Variants in CEACAM21 observed in about 807,000 individuals in gnomAD.
The protein encoded by CEACAM21 is CEA cell adhesion molecule 21, also known as cell adhesion molecule CEACAM21.
In CEACAM21, 38 loss-of-function variants were observed where a neutral mutation model predicts 33.2. The observed-to-expected ratio is 1.14, with a 90% CI of 0.88 to 1.50. The LOEUF (loss-of-function observed/expected upper bound fraction) is 1.50, where lower values mean the gene tolerates loss of function less well. Among genes scored for constraint, CEACAM21 ranks in the 40% most tolerant of loss-of-function variants. The pLI, the probability that CEACAM21 is intolerant of heterozygous loss-of-function variation, is 0.00. For missense variants in CEACAM21, 385 were observed against 364.6 expected (o/e 1.06, Z -0.46); for synonymous variants, 156 against 143.0 (o/e 1.09, Z -0.65).
At chr19:41,568,712 AG>A (rs1555788784) in intron 2 of CEACAM21, among the ~76,000 whole-genome samples, 2 of 152,238 alleles carry the variant, frequency 1.3e-5, no homozygotes, top group Non-Finnish European at 2.9e-5. Flanking sequence ...TTTGATTGTC[AG>A]GAAGTGTAAT....
upstream of CEACAM21, among the ~76,000 whole-genome samples, chr19:41,575,979 G>C (rs538820079): frequency 6.6e-5 from 10 of 152,270 alleles, no homozygotes; most frequent in Admixed American, 3.9e-4. Flanking sequence ...GGGTCGTCCT[G>C]TTATGAGGAC....
At position 41,579,646 on chromosome 19, in the gene CEACAM21, C is replaced by T. The variant is rs1555792866; in HGVS notation, c.700+18C>T. ...TGTAAAATGTGAGTGACCCTCGGCC[C>T]CTCTCACTCCTTTCCTTGTATATTT... is the stretch of plus-strand genomic sequence containing the variant. On this transcript the variant is annotated intron_variant, in intron 3 of 6. Coordinates refer to ENST00000401445, the MANE Select transcript of CEACAM21 (RefSeq NM_001098506.4). The T allele has an allele frequency of 6.8e-7, 1 of 1,469,982 alleles. No homozygotes were observed. The highest frequency in any genetic ancestry group is 1.3e-5 in the South Asian group (1 of 78,754). 91.1% of individuals were successfully genotyped at this position (1,469,982 alleles called of 1,614,324 possible).
chr19:41,555,949 A>G (rs2041498846), intron 1 of CEACAM21, among the ~76,000 whole-genome samples: 1 of 152,228 alleles, frequency 6.6e-6, no homozygotes, highest in African/African-American at 2.4e-5. Flanking sequence ...TGTCTCTCAC[A>G]GTACAAAGTA....
intron 1 of CEACAM21, among the ~76,000 whole-genome samples, chr19:41,556,843 A>T (rs2041563096): frequency 6.6e-6 from 1 of 152,186 alleles, no homozygotes; most frequent in Non-Finnish European, 1.5e-5. Context: ...CTTTAATTTT[A>T]TCAGAAGGAT....
At chr19:41,571,304 T>C (rs1600218713), upstream of CEACAM21, among the ~76,000 whole-genome samples, 1 of 152,336 alleles carries the variant, frequency 6.6e-6, no homozygotes, top group South Asian at 2.1e-4. Context: ...ATGGCTTTCA[T>C]TTATTCCATA....
At chr19:41,580,775 G>C (rs2043318547) in intron 3 of CEACAM21, among the ~76,000 whole-genome samples, 1 of 152,082 alleles carries the variant, frequency 6.6e-6, no homozygotes. Context: ...TTTAATCATT[G>C]GCCATTAATT....
At chr19:41,584,131 T>C (rs2070527620) in intron 3 of CEACAM21, among the ~76,000 whole-genome samples, 1 of 151,896 alleles carries the variant, frequency 6.6e-6, no homozygotes, top group Non-Finnish European at 1.5e-5. Context: ...TGTGGGAGAA[T>C]GTAGGAGTTG....
At chr19:41,583,730 C>G (rs1173049174) in intron 3 of CEACAM21, among the ~76,000 whole-genome samples, 2 of 152,186 alleles carry the variant, frequency 1.3e-5, no homozygotes, top group Admixed American at 1.3e-4. Context: ...AACCCACCCT[C>G]ATGATTCAAT....
At chr19:41,557,971 G>T (rs2041641092) in intron 1 of CEACAM21, among the ~76,000 whole-genome samples, 1 of 152,154 alleles carries the variant, frequency 6.6e-6, no homozygotes. Context: ...ACTGAGCCCT[G>T]GACTATCTCC....
At chr19:41,584,560 G>T (rs572969116) in intron 4 of CEACAM21, 117 bp downstream of exon 4, 2 of 892,126 alleles carry the variant, frequency 2.2e-6, no homozygotes, top group South Asian at 1.6e-5. Context: ...ACTCCCCAGG[G>T]ATCCTTCCCT....
chr19:41,567,688 C>G (rs2122194885), intron 2 of CEACAM21, among the ~76,000 whole-genome samples: 1 of 152,232 alleles, frequency 6.6e-6, no homozygotes, highest in South Asian at 2.1e-4. Context: ...AAACCGAGCA[C>G]AAGTTGACTG....
chr19:41,558,743 T>C (rs1468936833), intron 1 of CEACAM21, among the ~76,000 whole-genome samples: 1 of 152,188 alleles, frequency 6.6e-6, no homozygotes, highest in Non-Finnish European at 1.5e-5. Context: ...AGGCAGATCA[T>C]AAATGAAGTG....
intron 1 of CEACAM21, among the ~76,000 whole-genome samples, chr19:41,562,276 A>G (rs1302073838): frequency 1.4e-5 from 2 of 148,096 alleles, no homozygotes; most frequent in Non-Finnish European, 2.9e-5. Context: ...GAAAGAAAGA[A>G]AGAAAAAACA....
chr19:41,576,099 A>G, upstream of CEACAM21: 1 of 649,814 alleles, frequency 1.5e-6, no homozygotes, highest in South Asian at 1.9e-5. Context: ...GGACAGAGAG[A>G]CATTGTAGGC....
At chr19:41,559,709 GACA>G (rs1555786355) in intron 1 of CEACAM21, among the ~76,000 whole-genome samples, 3 of 152,176 alleles carry the variant, frequency 2.0e-5, no homozygotes, top group South Asian at 4.1e-4. Flanking sequence ...AACAGTTACA[GACA>G]ACAGACAATG....
intron 1 of CEACAM21, among the ~76,000 whole-genome samples, chr19:41,557,531 C>T (rs2041611771): frequency 6.6e-6 from 1 of 152,178 alleles, no homozygotes; most frequent in Admixed American, 6.5e-5. Flanking sequence ...GAACTCAACG[C>T]TGTCAATCGA....
chr19:41,568,894 A>C (rs2042426562), intron 2 of CEACAM21, among the ~76,000 whole-genome samples: 1 of 152,220 alleles, frequency 6.6e-6, no homozygotes, highest in African/African-American at 2.4e-5. Context: ...TTGGGTGGTA[A>C]GGACATTTTA....
At chr19:41,573,724 G>C (rs1182990098), upstream of CEACAM21, among the ~76,000 whole-genome samples, 1 of 152,016 alleles carries the variant, frequency 6.6e-6, no homozygotes, top group East Asian at 1.9e-4. Flanking sequence ...TTATTTCATG[G>C]GTGTCAATAT....
Position 41,576,358 on chromosome 19 carries a change from G to T in CEACAM21, c.64+20G>T. Reference sequence around the variant, plus strand: ...TCACAGGTGAGGGGAGGACTCCCTGGGAGTGGGTGGGAGGAGGGAGCACAG... The same window carrying T: ...TCACAGGTGAGGGGAGGACTCCCTGTGAGTGGGTGGGAGGAGGGAGCACAG... On this transcript the variant is annotated intron_variant, in intron 1 of 6. Transcript: ENST00000401445. 6.2e-7 allele frequency: 1 copy of T among 1,600,744 alleles called. No homozygotes were observed. The highest frequency in any genetic ancestry group is 8.5e-7 in the Non-Finnish European group (1 of 1,173,626).
Sources: allele counts gnomAD v4.1 joint callset (sites outside exome capture counted in the v4.1 genomes callset), GRCh38; gene constraint gnomAD v4.1.1; transcripts MANE v1.5; gene names NCBI Gene and HGNC (gene_info 2026-07-23, HGNC 2026-07-21).